The following ZNF83 variants were observed in gnomAD, a reference collection of about 807,000 sequenced individuals.
The protein encoded by ZNF83 is zinc finger protein 83.
For synonymous variants in ZNF83, 209 were observed against 213.0 expected (o/e 0.98, Z 0.17); for missense variants, 552 against 629.9 (o/e 0.88, Z 1.32).
chr19:52,685,954 C>T (rs2062008701), intron 1 of ZNF83, among the ~76,000 whole-genome samples: 1 of 150,824 alleles, frequency 6.6e-6, no homozygotes, highest in Non-Finnish European at 1.5e-5. Context: ...AACAGCATTC[C>T]ATGCCAATCC....
intron 2 of ZNF83, among the ~76,000 whole-genome samples, chr19:52,656,864 C>CAAAAAAAAAAAAAAAAAAAAAAAAAAAAA (rs112522632): frequency 1.5e-5 from 2 of 136,564 alleles, no homozygotes; most frequent in African/African-American, 2.6e-5. Context: ...GACTCCGTCT[C>CAAAAAAAAAAAAAAAAAAAAAAAAAAAAA]AAAAAAAAAA....
exon 3 of ZNF83, chr19:52,612,945 AAGTTTTTCTCC>A: frequency 7.4e-7 from 1 of 1,357,664 alleles, no homozygotes; most frequent in Non-Finnish European, 1.0e-6. Context: ...TATACTTGCA[AAGTTTTTCTCC>A]AGTATAAATT....
At chr19:52,687,584 A>G (rs1473697552) in intron 1 of ZNF83, among the ~76,000 whole-genome samples, 4 of 37,326 alleles carry the variant, frequency 1.1e-4, no homozygotes, top group African/African-American at 8.2e-4. Context: ...AATTTTATAT[A>G]TATATATATA....
chr19:52,622,623 CAAACTT>C (rs969873431), intron 2 of ZNF83, among the ~76,000 whole-genome samples: 13 of 151,332 alleles, frequency 8.6e-5, no homozygotes, highest in African/African-American at 3.2e-4. Flanking sequence ...TTAATTATGA[CAAACTT>C]AAACGACCCA....
intron 1 of ZNF83, among the ~76,000 whole-genome samples, chr19:52,677,306 T>TAAAAAAAAA (rs67835464): frequency 1.9e-5 from 2 of 106,462 alleles, no homozygotes; most frequent in Admixed American, 1.1e-4. Flanking sequence ...AATTGAGAAG[T>TAAAAAAAAA]AAAAAAAAAA....
exon 3 of ZNF83, chr19:52,614,038 G>A (rs773901998): frequency 6.2e-7 from 1 of 1,613,218 alleles, no homozygotes; most frequent in Non-Finnish European, 8.5e-7. Flanking sequence ...ACATTTATAT[G>A]GTTTCTCTCC....
intron 2 of ZNF83, among the ~76,000 whole-genome samples, chr19:52,625,431 T>A (rs1028702409): frequency 6.6e-6 from 1 of 152,114 alleles, no homozygotes; most frequent in Non-Finnish European, 1.5e-5. Context: ...ATATTTGGAC[T>A]CCCCACAACA....
chr19:52,623,318 T>C (rs634201), intron 2 of ZNF83, among the ~76,000 whole-genome samples: 15,147 of 152,038 alleles, frequency 0.1, 795 homozygotes, highest in African/African-American at 0.13. Context: ...CCCTGTTTAA[T>C]TGATACAGGG....
intron 3 of ZNF83, chr19:52,654,012 T>C (rs1354797366): frequency 1.9e-6 from 3 of 1,539,364 alleles, no homozygotes; most frequent in East Asian, 2.3e-5. Flanking sequence ...AAGAAATTCT[T>C]TGGGATGTTG....
chr19:52,640,646 C>G (rs1485609594), upstream of ZNF83, among the ~76,000 whole-genome samples: 1 of 152,156 alleles, frequency 6.6e-6, no homozygotes, highest in Non-Finnish European at 1.5e-5. Context: ...AATTGTCAGT[C>G]CTCTCTGCAA....
At chr19:52,621,488 C>T (rs1401282389) in intron 2 of ZNF83, among the ~76,000 whole-genome samples, 1 of 152,138 alleles carries the variant, frequency 6.6e-6, no homozygotes, top group Non-Finnish European at 1.5e-5. Flanking sequence ...TCTGATTATT[C>T]ACCCACATTT....
At chr19:52,688,712 C>T (rs1020117784) in intron 1 of ZNF83, among the ~76,000 whole-genome samples, 1 of 152,046 alleles carries the variant, frequency 6.6e-6, no homozygotes, top group Non-Finnish European at 1.5e-5. Context: ...TGATCATCCT[C>T]TATCTCTATA....
At chr19:52,634,878 G>A (rs1036204098) in intron 2 of ZNF83, among the ~76,000 whole-genome samples, 188 bp downstream of exon 2, 2 of 152,124 alleles carry the variant, frequency 1.3e-5, no homozygotes, top group African/African-American at 2.4e-5. Context: ...CTCTTCCCAA[G>A]TTCATGTGAT....
intron 3 of ZNF83, among the ~76,000 whole-genome samples, chr19:52,644,534 C>G (rs370964686): frequency 6.6e-6 from 1 of 152,122 alleles, no homozygotes; most frequent in Admixed American, 6.5e-5. Context: ...CTTCCACATA[C>G]CTGGGCTAAA....
rs776043602 is a variant in ZNF83 at position 52,618,981 on chromosome 19, A to G, written c.-233-4184T>C. The G allele has an allele frequency of 5.8e-6, 9 of 1,558,046 alleles. 1 individual carries two copies. The South Asian group carries it at 8.9e-5, about 15-fold the overall frequency. On this transcript the variant is annotated intron_variant, in intron 2 of 2. Coordinates refer to ENST00000301096, the Ensembl canonical transcript of ZNF83. ...TAATTCTCCAACATCACATCTCTGT[A>G]TAGAGTCCTCTGAGCAGGGTCCAGG...
At chr19:52,644,176 CTTCT>C (rs1191112346) in intron 3 of ZNF83, among the ~76,000 whole-genome samples, 3 of 102,000 alleles carry the variant, frequency 2.9e-5, no homozygotes, top group African/African-American at 9.3e-5. Flanking sequence ...TTCTTCCATT[CTTCT>C]TTTTTTTTTT....
At chr19:52,671,777 T>G (rs968834679) in intron 1 of ZNF83, among the ~76,000 whole-genome samples, 1 of 152,154 alleles carries the variant, frequency 6.6e-6, no homozygotes, top group Non-Finnish European at 1.5e-5. Context: ...TTTGTTATTC[T>G]CTCCTGAGTG....
At chr19:52,631,313 A>G (rs1053259425) in intron 2 of ZNF83, among the ~76,000 whole-genome samples, 15 of 151,936 alleles carry the variant, frequency 9.9e-5, no homozygotes, top group African/African-American at 2.2e-4. Context: ...TCCTAGGCAT[A>G]GTTAGTGTGG....
chr19:52,683,226 C>CTGTGTGTG (rs1491245050), intron 1 of ZNF83, among the ~76,000 whole-genome samples: 6 of 135,652 alleles, frequency 4.4e-5, no homozygotes, highest in African/African-American at 1.6e-4. Flanking sequence ...TGCCCTGTGA[C>CTGTGTGTG]TCTGTGTGTG....
Sources: allele counts gnomAD v4.1 joint callset (sites outside exome capture counted in the v4.1 genomes callset), GRCh38; gene constraint gnomAD v4.1.1; transcripts MANE v1.5; gene names NCBI Gene and HGNC (gene_info 2026-07-23, HGNC 2026-07-21).